The following ZFYVE28 variants were observed in gnomAD, a reference collection of about 807,000 sequenced individuals.
ZFYVE28 encodes lateral signaling target protein 2 homolog.
A neutral mutation model predicts 82.1 loss-of-function variants in ZFYVE28; 40 were observed. The ratio of observed to expected loss-of-function variants is 0.49; its 90% CI spans 0.38 to 0.63. ZFYVE28 has a LOEUF of 0.63. ZFYVE28 is among the 30% of genes least tolerant of loss of function. The pLI, the probability that ZFYVE28 is intolerant of heterozygous loss-of-function variation, is 0.00. For synonymous variants in ZFYVE28, 612 were observed against 546.1 expected (o/e 1.12, Z -1.68); for missense variants, 1,321 against 1,242.1 (o/e 1.06, Z -0.96).
intron 6 of ZFYVE28, chr4:2,329,172 G>T: frequency 1.4e-6 from 1 of 690,776 alleles, no homozygotes; most frequent in Non-Finnish European, 2.7e-6. Context: ...ATGGAGTTTC[G>T]ACAGCAATTG....
chr4:2,328,990 A>G, intron 6 of ZFYVE28: 1 of 617,926 alleles, frequency 1.6e-6, no homozygotes, highest in Non-Finnish European at 3.0e-6. Flanking sequence ...CTATACATCT[A>G]TCTTTATGCC....
At chr4:2,304,200 G>A (rs1716111059) in intron 8 of ZFYVE28, 89 bp downstream of exon 8, 7 of 1,473,004 alleles carry the variant, frequency 4.8e-6, no homozygotes, top group Non-Finnish European at 6.3e-6. Context: ...GGCTCAGGTA[G>A]AAACACTGCA....
At position 2,304,741 on chromosome 4, in the gene ZFYVE28, G is replaced by A; in HGVS notation, c.1599C>T (p.Thr533=). The change falls in exon 8 of 13, where the codon ACC becomes ACT. Residue 533 remains threonine (T), a synonymous_variant. Transcript: ENST00000290974. Reference sequence around the variant, plus strand: ...CCACGGGCTCCGAGGCGGCCTCCTGGGTGGCGACCGCAGAGTCCAGGGAAG... The same window carrying A: ...CCACGGGCTCCGAGGCGGCCTCCTGAGTGGCGACCGCAGAGTCCAGGGAAG... ...SPTSLDSAVA[T]QEAASEPVAE... The A allele has an allele frequency of 1.2e-6, 2 of 1,612,702 alleles. No homozygotes were observed. The highest frequency in any genetic ancestry group is 1.7e-6 in the Non-Finnish European group (2 of 1,179,934).
chr4:2,389,776 G>A (rs539947120), intron 1 of ZFYVE28, among the ~76,000 whole-genome samples: 3 of 152,326 alleles, frequency 2.0e-5, no homozygotes, highest in East Asian at 3.9e-4. Flanking sequence ...AGGTGGCCCT[G>A]CAGAGGTCCT....
At chr4:2,331,444 C>G (rs1367462510) in intron 6 of ZFYVE28, among the ~76,000 whole-genome samples, 1 of 151,554 alleles carries the variant, frequency 6.6e-6, no homozygotes, top group Non-Finnish European at 1.5e-5. Flanking sequence ...GAACTCGAGA[C>G]CAGCCTGGAC....
intron 8 of ZFYVE28, among the ~76,000 whole-genome samples, chr4:2,285,184 A>G (rs1358466075): frequency 6.7e-6 from 1 of 149,472 alleles, no homozygotes; most frequent in Admixed American, 6.7e-5. Context: ...TAAGCCAAGT[A>G]CACACCCAAG....
intron 8 of ZFYVE28, among the ~76,000 whole-genome samples, chr4:2,299,872 C>T (rs980931524): frequency 3.3e-5 from 5 of 152,042 alleles, no homozygotes; most frequent in Non-Finnish European, 7.4e-5. Flanking sequence ...TCATAGGTCA[C>T]TGCAGTCTCC....
intron 1 of ZFYVE28, among the ~76,000 whole-genome samples, chr4:2,377,331 A>C (rs538639788): frequency 1.3e-5 from 2 of 152,144 alleles, no homozygotes; most frequent in Non-Finnish European, 2.9e-5. Context: ...CTAGGGCTTT[A>C]CTTTTATCTC....
intron 1 of ZFYVE28, among the ~76,000 whole-genome samples, chr4:2,403,864 G>A (rs781357932): frequency 6.6e-6 from 1 of 151,878 alleles, no homozygotes; most frequent in Admixed American, 6.6e-5. Context: ...AGCTACTCAG[G>A]AGGCTAAGGC....
rs397958081 is a variant in ZFYVE28 at position 2,313,848 on chromosome 4, C to CA, written c.803+6321dup. Among the ~76,000 whole-genome samples the CA allele has an allele frequency of 0.012, 977 of 80,460 alleles. 29 individuals carry two copies. In the East Asian group the frequency reaches 0.12, roughly 10 times the overall value. 52.8% of individuals were successfully genotyped at this position (80,460 alleles called of 152,430 possible). On this transcript the variant is annotated intron_variant, in intron 7 of 12. Transcript: ENST00000290974. Reference sequence around the variant, plus strand: ...TGGGCGACAGAGTGAGACTCTGTCTCAAAAAAAAAAAAAAAAAAAGAACGT... The same window carrying CA: ...TGGGCGACAGAGTGAGACTCTGTCTCAAAAAAAAAAAAAAAAAAAAGAACGT...
rs551772211 is a variant in ZFYVE28, at chr4:2,409,401, T to C, written c.39+8884A>G. ...GCAAACAGCAGTGCTGACCCCATCA[T>C]GCCCCCACCTTCCTTGCCTGTGACC... On this transcript the variant is annotated intron_variant, in intron 1 of 12. Transcript: ENST00000290974. The surrounding 1 kb of genome is among the most constrained non-coding windows in gnomAD (Gnocchi z 4.4). 5.3e-5 allele frequency among the ~76,000 whole-genome samples: 8 copies of C among 152,158 alleles called. No individual in the cohort carries two copies. The East Asian group carries it at 1.5e-3, about 29-fold the overall frequency.
intron 1 of ZFYVE28, among the ~76,000 whole-genome samples, chr4:2,356,201 C>G (rs1277550489): frequency 6.6e-6 from 1 of 152,172 alleles, no homozygotes; most frequent in Admixed American, 6.5e-5. Context: ...CCATCCACTG[C>G]CCCCCTGCCT....
intron 1 of ZFYVE28, among the ~76,000 whole-genome samples, chr4:2,367,679 C>A (rs1015195611): frequency 9.2e-5 from 14 of 152,212 alleles, no homozygotes; most frequent in African/African-American, 3.4e-4. Flanking sequence ...GCAGTGGGGC[C>A]ACAACAGCCG....
rs377512536 is a variant in ZFYVE28, at chr4:2,270,756, G to A, written c.2633C>T (p.Thr878Met). The A allele has an allele frequency of 1.9e-5, 30 of 1,613,140 alleles. No individual in the cohort carries two copies. The highest frequency in any genetic ancestry group is 2.5e-5 in the Non-Finnish European group (30 of 1,179,932). The change falls in exon 13 of 13, where the codon ACG (threonine) becomes ATG (methionine). Residue 878 changes from threonine to methionine, a missense_variant. Thr to Met is a moderately conservative substitution (Grantham distance 81). This residue lies in a region of ZFYVE28 where 978 missense variants were observed against 833.7 expected (regional missense o/e 1.17). Transcript: ENST00000290974. ...VCTHCYMFHVTPFYSDKAGL is the reference protein window; with the variant it reads ...VCTHCYMFHVMPFYSDKAGL ...GCCGGCCTTGTCGCTGTAGAAGGGC[G>A]TGACATGGAACATGTAGCAGTGGGT...
intron 1 of ZFYVE28, among the ~76,000 whole-genome samples, chr4:2,370,434 C>T (rs1464125025): frequency 1.3e-5 from 2 of 152,176 alleles, no homozygotes; most frequent in Non-Finnish European, 2.9e-5. Context: ...TGGGCCCACA[C>T]CCCAGCTCAC....
chr4:2,301,876 C>A (rs533589128), intron 8 of ZFYVE28, among the ~76,000 whole-genome samples: 34 of 152,320 alleles, frequency 2.2e-4, no homozygotes, highest in African/African-American at 7.9e-4. Context: ...ATCTCAAAAA[C>A]GGCCTCACCC....
At chr4:2,284,907 G>T (rs1394602617) in intron 8 of ZFYVE28, among the ~76,000 whole-genome samples, 2 of 152,220 alleles carry the variant, frequency 1.3e-5, no homozygotes, top group South Asian at 4.1e-4. Context: ...TAGCAGGGAG[G>T]CGCGAGTGTG....
In ZFYVE28 at chr4:2,409,341, T is replaced by C. The variant is rs541934283; in HGVS notation, c.39+8944A>G. 6.7e-6 allele frequency among the ~76,000 whole-genome samples: 1 copy of C among 149,918 alleles called. No individual in the cohort carries two copies. The highest frequency in any genetic ancestry group is 1.5e-5 in the Non-Finnish European group (1 of 67,596). ...GCCACCCACCAGTCCCAGCTTCCAATCTCGTCTCTCCCACAGCAGGCCTGG... is the reference window on the plus strand; with the variant it reads ...GCCACCCACCAGTCCCAGCTTCCAACCTCGTCTCTCCCACAGCAGGCCTGG... On this transcript the variant is annotated intron_variant, in intron 1 of 12. Transcript: ENST00000290974. This position sits in a 1 kb window ranked among gnomAD's most constrained non-coding sequence, Gnocchi z 4.4.
chr4:2,270,404 C>T lies in ZFYVE28; in HGVS notation c.*321G>A. 1 of 399,510 alleles carries T rather than the reference C, an allele frequency of 2.5e-6. No homozygotes were observed. Among genetic ancestry groups the T allele is most frequent in the South Asian group, 2.6e-5 (1 of 38,402 alleles). The allele number at this position is 399,510 out of a possible 1,614,324, so 24.7% of individuals were successfully genotyped here. ...CACCTCCATCACCCGCCCCGATTCC[C>T]ATAGCCCCAGCAGATCTCCGAGGGA... On this transcript the variant is annotated 3_prime_UTR_variant, in exon 13 of 13. Coordinates refer to ENST00000290974, the MANE Select transcript of ZFYVE28 (RefSeq NM_020972.3).
Sources: gnomAD v4.1 joint callset for allele counts (sites outside exome capture counted in the v4.1 genomes callset) on GRCh38, gnomAD v4.1.1 for gene constraint, gnomAD v4.1.1 regional missense constraint, Gnocchi (gnomAD v3.1) non-coding constraint, MANE v1.5 for transcripts, NCBI Gene and HGNC (gene_info 2026-07-23, HGNC 2026-07-21) for gene names.